RTTN: variants seen among roughly 807,000 people sequenced by gnomAD.
RTTN encodes rotatin.
In RTTN, 182 loss-of-function variants were observed where a neutral mutation model predicts 269.2. The observed-to-expected ratio is 0.68, with a 90% CI of 0.60 to 0.76. RTTN has a LOEUF of 0.76. Ranked by LOEUF, RTTN falls within the 30% of genes least tolerant of loss-of-function variation. RTTN has a pLI of 0.00. For synonymous variants in RTTN, 1,006 were observed against 963.5 expected (o/e 1.04, Z -0.82); for missense variants, 2,545 against 2,608.6 (o/e 0.98, Z 0.53).
At chr18:70,102,287 T>C (rs1036041670) in intron 28 of RTTN, among the ~76,000 whole-genome samples, 1 of 152,226 alleles carries the variant, frequency 6.6e-6, no homozygotes, top group Non-Finnish European at 1.5e-5. Context: ...ATATTTAGGA[T>C]AGTTAGCTCT....
At chr18:70,012,538 TTAGA>T (rs1482555076) in intron 46 of RTTN, among the ~76,000 whole-genome samples, 2 of 149,066 alleles carry the variant, frequency 1.3e-5, no homozygotes, top group African/African-American at 5.0e-5. Flanking sequence ...CTCACTGGTG[TTAGA>T]TAGAGGGCAG....
At chr18:70,095,034 T>C (rs966875357) in intron 28 of RTTN, among the ~76,000 whole-genome samples, 1 of 149,898 alleles carries the variant, frequency 6.7e-6, no homozygotes, top group African/African-American at 2.4e-5. Context: ...TCTTGCTGCA[T>C]TGATCCCTTT....
rs1255360698 is a variant in RTTN at position 70,190,689 on chromosome 18, G to A, written c.1038C>T (p.Ser346=). 6.2e-7 allele frequency: 1 copy of A among 1,611,420 alleles called. No homozygotes were observed. Among genetic ancestry groups the A allele is most frequent in the African/African-American group, 1.3e-5 (1 of 74,882 alleles). ...SGSSSHAHVN[S]RISVHSPLDM... ...CCAAAGGTGAATGAACGGATATCCT[G>A]GAGTTTACATGAGCATGACTACTAC... is the stretch of plus-strand genomic sequence containing the variant. Residue 346 remains serine, a synonymous_variant, in exon 9 of 49, where the codon TCC becomes TCT. Coordinates refer to ENST00000640769, the MANE Select transcript of RTTN (RefSeq NM_173630.4).
In RTTN at chr18:70,134,550, T is replaced by C. The variant is rs75225724; in HGVS notation, c.2886-9A>G. On this transcript the variant is annotated splice_polypyrimidine_tract_variant and intron_variant, in intron 22 of 48. Coordinates refer to ENST00000640769, the MANE Select transcript of RTTN (RefSeq NM_173630.4). ...TGGAAGGATTAACAGACCTATTTCA[T>C]AAAAGAAAAACAAAAACAAAGAAAC... The C allele has an allele frequency of 0.021, 33,300 of 1,593,682 alleles. 441 individuals carry two copies. Among genetic ancestry groups the C allele is most frequent in the Middle Eastern group, 0.075 (451 of 5,976 alleles).
chr18:70,101,397 G>C (rs1419430722), intron 28 of RTTN, among the ~76,000 whole-genome samples: 1 of 152,138 alleles, frequency 6.6e-6, no homozygotes, highest in African/African-American at 2.4e-5. Context: ...ATAGTAGTTT[G>C]TATTTCTGTG....
At position 70,083,101 on chromosome 18, in the gene RTTN, A is replaced by G. The variant is rs530284893; in HGVS notation, c.4374+3512T>C. Among the ~76,000 whole-genome samples, 33 of 152,248 alleles carry G rather than the reference A, an allele frequency of 2.2e-4. 1 individual carries two copies. The highest frequency in any genetic ancestry group is 8.3e-4 in the South Asian group (4 of 4,814). ...GAATATAAAAGAGCTGTGACACACC[A>G]AAGACTGACACAGCAGGAACTGGGT... On this transcript the variant is annotated intron_variant, in intron 32 of 48. Transcript: ENST00000640769.
chr18:70,086,276 C>G (rs2058695672), intron 32 of RTTN, among the ~76,000 whole-genome samples: 1 of 152,150 alleles, frequency 6.6e-6, no homozygotes, highest in Non-Finnish European at 1.5e-5. Context: ...TATTTAAACT[C>G]TCTATGCAAA....
At chr18:70,066,915 T>C (rs987765625) in intron 34 of RTTN, among the ~76,000 whole-genome samples, 1 of 152,148 alleles carries the variant, frequency 6.6e-6, no homozygotes, top group Non-Finnish European at 1.5e-5. Flanking sequence ...GAATATACAG[T>C]TTTTTAAATC....
At chr18:70,047,837 T>G in intron 40 of RTTN, 134 bp downstream of exon 40, 1 of 707,590 alleles carries the variant, frequency 1.4e-6, no homozygotes, top group South Asian at 1.9e-5. Flanking sequence ...AACTTTTGTA[T>G]CATTTAAACA....
intron 46 of RTTN, among the ~76,000 whole-genome samples, chr18:70,016,978 G>C (rs763264704): frequency 1.3e-5 from 2 of 152,082 alleles, no homozygotes; most frequent in Non-Finnish European, 2.9e-5. Context: ...AAAGGAAATA[G>C]TGAGGAGGAG....
chr18:70,094,996 T>G (rs2058960041), intron 28 of RTTN, among the ~76,000 whole-genome samples: 1 of 152,116 alleles, frequency 6.6e-6, no homozygotes, highest in Non-Finnish European at 1.5e-5. Context: ...CTGTATTGGG[T>G]GCATATATAT....
chr18:70,161,592 A>T (rs2060832359), intron 14 of RTTN, among the ~76,000 whole-genome samples: 1 of 152,232 alleles, frequency 6.6e-6, no homozygotes, highest in South Asian at 2.1e-4. Flanking sequence ...AATATTTGCA[A>T]ACTATGCATG....
At position 70,145,865 on chromosome 18, in the gene RTTN, T is replaced by G. The variant is rs1599763513; in HGVS notation, c.2310-82A>C. ...AAGGGCTTGTAATTACAAGTAATTATATATCAACAAAGTACAATAAGTAGT... is the reference window on the plus strand; with the variant it reads ...AAGGGCTTGTAATTACAAGTAATTAGATATCAACAAAGTACAATAAGTAGT... On this transcript the variant is annotated intron_variant, in intron 17 of 48. Coordinates refer to ENST00000640769, the MANE Select transcript of RTTN (RefSeq NM_173630.4). 4.7e-6 allele frequency: 5 copies of G among 1,068,740 alleles called. No individual in the cohort carries two copies. In the South Asian group the frequency reaches 5.6e-5, roughly 12 times the overall value. 66.2% of individuals were successfully genotyped at this position (1,068,740 alleles called of 1,614,324 possible).
chr18:70,184,753 T>TGTGTGTGTGTGC, intron 10 of RTTN, among the ~76,000 whole-genome samples: 3 of 121,634 alleles, frequency 2.5e-5, no homozygotes, highest in African/African-American at 8.3e-5. Flanking sequence ...TGTGTGTGTG[T>TGTGTGTGTGTGC]GTGTGGTGGC....
intron 7 of RTTN, 29 bp downstream of exon 7, chr18:70,196,472 G>C (rs371988099): frequency 6.3e-7 from 1 of 1,583,672 alleles, no homozygotes; most frequent in African/African-American, 1.4e-5. Flanking sequence ...AATAACACCA[G>C]TGGCTAATGA....
chr18:70,180,868 T>G (rs535466075), intron 10 of RTTN, among the ~76,000 whole-genome samples: 10 of 152,312 alleles, frequency 6.6e-5, no homozygotes, highest in African/African-American at 2.4e-4. Context: ...TAATGTCATA[T>G]TAAAAGTATC....
At chr18:70,130,208 G>C (rs2059964098) in intron 23 of RTTN, 2 of 151,884 alleles carry the variant, frequency 1.3e-5, no homozygotes, top group South Asian at 4.1e-4. Flanking sequence ...GTCATTATTG[G>C]AAACAGTATG....
chr18:70,024,600 A>T, intron 44 of RTTN, 122 bp downstream of exon 44: 1 of 899,030 alleles, frequency 1.1e-6, no homozygotes, highest in Non-Finnish European at 1.7e-6. Context: ...TTTGCCCATC[A>T]TATCCTCAAT....
At chr18:70,168,113 C>CA (rs757499939) in intron 12 of RTTN, among the ~76,000 whole-genome samples, 58 of 139,446 alleles carry the variant, frequency 4.2e-4, no homozygotes, top group African/African-American at 8.8e-4. Context: ...AGAAGGCTGT[C>CA]AAAAAAAAAA....
Sources: gnomAD v4.1 joint callset for allele counts (sites outside exome capture counted in the v4.1 genomes callset) on GRCh38, gnomAD v4.1.1 for gene constraint, MANE v1.5 for transcripts, NCBI Gene and HGNC (gene_info 2026-07-23, HGNC 2026-07-21) for gene names.